Variants in MYO10 observed in about 807,000 individuals in gnomAD.
The protein encoded by MYO10 is unconventional myosin-X.
Under a neutral mutation model 257.3 loss-of-function variants are expected in MYO10, and 133 were observed. That is an observed-to-expected ratio of 0.52 (90% CI 0.45 to 0.60). MYO10 has a LOEUF of 0.60. Among genes scored for constraint, MYO10 ranks in the 20% least tolerant of loss-of-function variants. The pLI is 0.00. For synonymous variants in MYO10, 1,104 were observed against 1,028.6 expected, an observed-to-expected ratio of 1.07 and a Z score of -1.40; for missense variants, 2,399 against 2,635.7, an observed-to-expected ratio of 0.91 and a Z score of 1.97.
Position 16,701,854 on chromosome 5 carries a change from A to G in MYO10, c.2557-16T>C. On this transcript the variant is annotated splice_polypyrimidine_tract_variant and intron_variant, in intron 24 of 40. Coordinates refer to ENST00000513610, the MANE Select transcript of MYO10 (RefSeq NM_012334.3). This position sits in a 1 kb window ranked among gnomAD's most constrained non-coding sequence, Gnocchi z 8.1. ...TTTCTTCTTCCTGGACAGAAGCAGA[A>G]GGGAGATTTCAGAAGGCTTCAGTAC... is the stretch of plus-strand genomic sequence containing the variant. 1 of 1,571,744 alleles carries G rather than the reference A, an allele frequency of 6.4e-7. No homozygotes were observed. The highest frequency in any genetic ancestry group is 1.2e-5 in the South Asian group (1 of 82,574).
At chr5:16,699,647 CATCATTGAAAAAATACA>C in intron 25 of MYO10, 74 bp from the exon 26 acceptor site, 1 of 1,590,830 alleles carries the variant, frequency 6.3e-7, no homozygotes, top group African/African-American at 1.3e-5. Context: ...CAGCATGTAT[CATCATTGAAAAAATACA>C]AAAATACAGC....
intron 38 of MYO10, 134 bp downstream of exon 38, chr5:16,671,288 G>T: frequency 8.9e-7 from 1 of 1,122,744 alleles, no homozygotes; most frequent in Non-Finnish European, 1.2e-6. Context: ...TGAAAGAGCA[G>T]CTGGTCTTGT....
intron 1 of MYO10, among the ~76,000 whole-genome samples, chr5:16,888,977 A>T (rs1214650584): frequency 6.6e-6 from 1 of 151,952 alleles, no homozygotes; most frequent in Non-Finnish European, 1.5e-5. Context: ...GTTTGAGACT[A>T]GCCTGGGCAA....
At chr5:16,670,407 A>T in intron 39 of MYO10, 119 bp downstream of exon 39, 1 of 874,318 alleles carries the variant, frequency 1.1e-6, no homozygotes, top group Non-Finnish European at 1.7e-6. Context: ...GGCTCGAATA[A>T]AAGAGGTTGA....
rs749879833 is a variant in MYO10, at chr5:16,818,180, G to A, written c.121-13C>T. The A allele has an allele frequency of 2.0e-6, 3 of 1,510,452 alleles. No homozygotes were observed. Among genetic ancestry groups the A allele is most frequent in the African/African-American group, 1.4e-5 (1 of 72,370 alleles). 93.6% of individuals were successfully genotyped at this position (1,510,452 alleles called of 1,614,324 possible). ...TGTAAGTGAATACCTGAGGGAGGGA[G>A]AGGAATTCAATTATTTCATTATCAG... is the stretch of plus-strand genomic sequence containing the variant. On this transcript the variant is annotated splice_polypyrimidine_tract_variant and intron_variant, in intron 2 of 40. Transcript: ENST00000513610.
chr5:16,783,399 G>C lies in MYO10; in HGVS notation c.538C>G (p.Gln180Glu). The change falls in exon 5 of 41, where the codon CAG becomes GAG. Residue 180 changes from glutamine (Q) to glutamate (E), a missense_variant. Coordinates refer to ENST00000513610, the MANE Select transcript of MYO10 (RefSeq NM_012334.3). ...TCCTTTAAGGACAATTCCAAAGACTGTTGACTGATGACTGACAGAAACTTG... is the reference window on the plus strand; with the variant it reads ...TCCTTTAAGGACAATTCCAAAGACTCTTGACTGATGACTGACAGAAACTTG... Reference protein sequence around the residue: ...ILKFLSVISQQSLELSLKEKT... With the variant: ...ILKFLSVISQESLELSLKEKT... The C allele has an allele frequency of 6.2e-7, 1 of 1,608,038 alleles. No homozygotes were observed.
chr5:16,696,368 T>A (rs1268967481), intron 26 of MYO10, among the ~76,000 whole-genome samples: 2 of 152,318 alleles, frequency 1.3e-5, no homozygotes, highest in East Asian at 3.9e-4. Flanking sequence ...TCTTTTTCAT[T>A]CATTCGTTGC....
chr5:16,739,315 A>C (rs1739928719), intron 19 of MYO10, among the ~76,000 whole-genome samples: 1 of 151,674 alleles, frequency 6.6e-6, no homozygotes, highest in Non-Finnish European at 1.5e-5. Context: ...TTTATATTTC[A>C]CCTTTTGCAA....
chr5:16,903,874 G>C (rs1037585152), intron 1 of MYO10, among the ~76,000 whole-genome samples: 1 of 152,188 alleles, frequency 6.6e-6, no homozygotes, highest in Non-Finnish European at 1.5e-5. Context: ...TCCATGAGCT[G>C]AAGTATTTGA....
chr5:16,704,586 A>G lies in MYO10; in HGVS notation c.2269T>C (p.Leu757=). Residue 757 remains leucine, a synonymous_variant, in exon 22 of 41, where the codon TTA becomes CTA. Transcript: ENST00000513610. Reference sequence around the variant, plus strand: ...TCAGCGTGGGGTTCTTACCGTGCTAAGAAGCCCAAGACATGGGCCCGAATC... The same window carrying G: ...TCAGCGTGGGGTTCTTACCGTGCTAGGAAGCCCAAGACATGGGCCCGAATC... The part of the protein sequence containing the change: ...MVIRAHVLGF[L]ARKQYRKVLY... 2.5e-6 allele frequency: 4 copies of G among 1,613,802 alleles called. No homozygotes were observed. Among genetic ancestry groups the G allele is most frequent in the Non-Finnish European group, 2.5e-6 (3 of 1,179,796 alleles).
chr5:16,904,393 A>G (rs1745464504), intron 1 of MYO10, among the ~76,000 whole-genome samples: 1 of 152,186 alleles, frequency 6.6e-6, no homozygotes, highest in Admixed American at 6.5e-5. Context: ...GGAGAAGATC[A>G]AGGGAACCCT....
intron 2 of MYO10, among the ~76,000 whole-genome samples, chr5:16,853,502 C>T (rs573116494): frequency 1.3e-5 from 2 of 152,330 alleles, no homozygotes; most frequent in South Asian, 4.1e-4. Flanking sequence ...GCAGTGGTCA[C>T]TGTCTCTCCT....
In MYO10 at chr5:16,670,964, A is replaced by G. The variant is rs3843822; in HGVS notation, c.5445T>C (p.Val1815=). The change falls in exon 39 of 41, where the codon GTT becomes GTC. Residue 1815 remains valine (V), a synonymous_variant. Coordinates refer to ENST00000513610, the MANE Select transcript of MYO10 (RefSeq NM_012334.3). ...CCGGGGCTGGATGGTGGCCATGGATAACCGCTTCGTGGGCCTGAAAGGAGA... is the reference window on the plus strand; with the variant it reads ...CCGGGGCTGGATGGTGGCCATGGATGACCGCTTCGTGGGCCTGAAAGGAGA... ...AFMFEQAHEA[V]IHGHHPAPEE... 1.8e-4 allele frequency: 291 copies of G among 1,609,772 alleles called. 3 individuals are homozygous for G. In the East Asian group the frequency reaches 5.5e-3, roughly 30 times the overall value.
intron 19 of MYO10, among the ~76,000 whole-genome samples, chr5:16,746,985 A>C (rs1271868164): frequency 6.6e-6 from 1 of 151,984 alleles, no homozygotes; most frequent in African/African-American, 2.4e-5. Flanking sequence ...TCACACCCAG[A>C]CTCCCTGCCC....
chr5:16,772,166 C>G (rs1579973901), intron 9 of MYO10, among the ~76,000 whole-genome samples: 1 of 148,726 alleles, frequency 6.7e-6, no homozygotes, highest in East Asian at 2.0e-4. Flanking sequence ...GAGTTTCACT[C>G]TTGTTGCCCA....
intron 2 of MYO10, among the ~76,000 whole-genome samples, chr5:16,865,203 C>T (rs889005144): frequency 6.6e-6 from 1 of 152,146 alleles, no homozygotes. Context: ...AAAAAATTAT[C>T]TGTCACTTAT....
chr5:16,686,298 C>T (rs1737250311), intron 28 of MYO10, among the ~76,000 whole-genome samples: 1 of 152,034 alleles, frequency 6.6e-6, no homozygotes, highest in Non-Finnish European at 1.5e-5. Context: ...ATCCATAATC[C>T]AAAACAAATC....
intron 2 of MYO10, among the ~76,000 whole-genome samples, chr5:16,851,476 T>C (rs150488358): frequency 2.6e-5 from 4 of 152,308 alleles, no homozygotes; most frequent in East Asian, 1.9e-4. Context: ...ATGTTTGTTA[T>C]TAGGATCAAT....
chr5:16,884,998 A>AATCCCAACAGATAAAGT (rs1346685352), intron 1 of MYO10, among the ~76,000 whole-genome samples: 9 of 152,282 alleles, frequency 5.9e-5, no homozygotes, highest in Non-Finnish European at 1.3e-4. Context: ...GAACTTCAAA[A>AATCCCAACAGATAAAGT]ATCCCAACAG....
Sources: gnomAD v4.1 joint callset for allele counts (sites outside exome capture counted in the v4.1 genomes callset) on GRCh38, gnomAD v4.1.1 for gene constraint, Gnocchi (gnomAD v3.1) non-coding constraint, MANE v1.5 for transcripts, NCBI Gene and HGNC (gene_info 2026-07-23, HGNC 2026-07-21) for gene names.